The following NHSL1 variants were observed in gnomAD, a reference collection of about 807,000 sequenced individuals.
NHSL1 encodes the protein NHS like 1.
In NHSL1, 48 loss-of-function variants were observed where a neutral mutation model predicts 95.0. That is an observed-to-expected ratio of 0.51 (90% CI 0.40 to 0.64). The LOEUF (loss-of-function observed/expected upper bound fraction) is 0.64. Among genes scored for constraint, NHSL1 ranks in the 30% least tolerant of loss-of-function variants. The pLI is 0.00. For synonymous variants in NHSL1, 783 were observed against 833.9 expected, an observed-to-expected ratio of 0.94 and a Z score of 1.05; for missense variants, 1,971 against 2,077.7, an observed-to-expected ratio of 0.95 and a Z score of 1.00.
chr6:138,508,850 G>C (rs1443640085), intron 1 of NHSL1, among the ~76,000 whole-genome samples: 2 of 151,148 alleles, frequency 1.3e-5, no homozygotes, highest in Non-Finnish European at 2.9e-5. Flanking sequence ...CTTTCTTGCA[G>C]AAAAAAAATA....
chr6:138,500,555 G>T (rs1212561986), upstream of NHSL1, among the ~76,000 whole-genome samples: 1 of 152,166 alleles, frequency 6.6e-6, no homozygotes, highest in Non-Finnish European at 1.5e-5. Context: ...ATAGCTTTGG[G>T]CCAGACTTAT....
At chr6:138,489,761 C>CAAA (rs771589265) in intron 2 of NHSL1, among the ~76,000 whole-genome samples, 17 of 49,838 alleles carry the variant, frequency 3.4e-4, no homozygotes, top group Non-Finnish European at 5.0e-4. Context: ...GACCCTGTCT[C>CAAA]AAAAAAAAAA....
Position 138,432,956 on chromosome 6 carries a change from A to T in NHSL1, c.1389T>A (p.Asp463Glu). 6.4e-7 allele frequency: 1 copy of T among 1,551,296 alleles called. No individual in the cohort carries two copies. The highest frequency in any genetic ancestry group is 8.7e-7 in the Non-Finnish European group (1 of 1,146,728). Residue 463 changes from aspartate to glutamate, a missense_variant, in exon 6 of 8, where the codon GAT becomes GAA. Asp to Glu is a conservative substitution (Grantham distance 45). Transcript: ENST00000343505. The surrounding 1 kb of genome is among the most constrained non-coding windows in gnomAD (Gnocchi z 4.4). ...HLISRHAVKG[D>E]PQSPGRHWNE... ...TCCAGTGGCGACCGGGAGACTGAGG[A>T]TCACCTTTCACAGCATGCCTGGAGA... is the stretch of plus-strand genomic sequence containing the variant.
chr6:138,568,793 CAAAAGA>C (rs568581232), intron 1 of NHSL1, among the ~76,000 whole-genome samples: 4 of 152,164 alleles, frequency 2.6e-5, no homozygotes, highest in Middle Eastern at 3.4e-3. Context: ...AAAAGATTCT[CAAAAGA>C]AAAAGAAAAT....
At chr6:138,543,381 A>G (rs1782658856) in intron 1 of NHSL1, among the ~76,000 whole-genome samples, 1 of 152,240 alleles carries the variant, frequency 6.6e-6, no homozygotes, top group South Asian at 2.1e-4. Context: ...AGTGACAATA[A>G]TGAGAAAGAT....
chr6:138,674,084 A>T (rs1253363522), intron 1 of NHSL1, among the ~76,000 whole-genome samples: 1 of 152,274 alleles, frequency 6.6e-6, no homozygotes, highest in Non-Finnish European at 1.5e-5. Context: ...AAGCAAGGAT[A>T]AAACTACATA....
At chr6:138,519,337 A>T (rs966159689) in intron 1 of NHSL1, among the ~76,000 whole-genome samples, 3 of 152,362 alleles carry the variant, frequency 2.0e-5, no homozygotes. Context: ...ACCTTAAAAA[A>T]ATGTGTTATC....
chr6:138,689,987 G>A (rs944015382), intron 1 of NHSL1, among the ~76,000 whole-genome samples: 3 of 152,164 alleles, frequency 2.0e-5, no homozygotes, highest in East Asian at 1.9e-4. Flanking sequence ...GCAGTGGGAC[G>A]ACAGGCGAGA....
rs1387733580 is a variant in NHSL1, at chr6:138,496,243, G to A, written c.187C>T (p.Leu63Phe). ...CVEDLHRQAK[L>F]NLKSVLRECD... is the part of the protein sequence containing the mutation. The stretch of plus-strand genomic sequence containing the variant: ...CCCCTCAGTACTGATTTGAGGTTGA[G>A]CTTGGCTTGGCGGTGCAGGTCCTCA... The change falls in exon 2 of 8, where the codon CTC becomes TTC. Residue 63 changes from leucine (L) to phenylalanine (F), a missense_variant. Coordinates refer to ENST00000343505, the MANE Select transcript of NHSL1 (RefSeq NM_001144060.2). The A allele has an allele frequency of 1.3e-6, 2 of 1,550,924 alleles. No individual in the cohort carries two copies. Among genetic ancestry groups the A allele is most frequent in the Non-Finnish European group, 1.7e-6 (2 of 1,146,798 alleles).
chr6:138,432,970 C>T lies in NHSL1; in HGVS notation c.1375G>A (p.Ala459Thr), dbSNP rs761055218. Residue 459 changes from alanine (A) to threonine (T), a missense_variant, in exon 6 of 8, where the codon GCT becomes ACT. Physicochemically the swap from Ala to Thr is moderately conservative, Grantham distance 58 (BLOSUM62 0). This residue lies in a region of NHSL1 where 1,602 missense variants were observed against 1,654.5 expected (regional missense o/e 0.97). Coordinates refer to ENST00000343505, the MANE Select transcript of NHSL1 (RefSeq NM_001144060.2). The surrounding 1 kb of genome is among the most constrained non-coding windows in gnomAD (Gnocchi z 4.4). ...GGAGACTGAGGATCACCTTTCACAG[C>T]ATGCCTGGAGATGAGGTGGTCTCTG... ...KSRDHLISRH[A>T]VKGDPQSPGR... 3 of 1,551,470 alleles carry T rather than the reference C, an allele frequency of 1.9e-6. No individual in the cohort carries two copies. In the South Asian group the frequency reaches 3.6e-5, roughly 18 times the overall value.
chr6:138,470,894 G>A (rs1778707668), intron 3 of NHSL1, among the ~76,000 whole-genome samples: 2 of 152,160 alleles, frequency 1.3e-5, no homozygotes, highest in South Asian at 4.1e-4. Flanking sequence ...TGATGCCAGT[G>A]CCAGCAAATC....
intron 1 of NHSL1, among the ~76,000 whole-genome samples, chr6:138,510,134 G>A (rs1781151433): frequency 6.6e-6 from 1 of 152,202 alleles, no homozygotes; most frequent in Non-Finnish European, 1.5e-5. Flanking sequence ...TAATTATTTA[G>A]TAAGCCATGA....
intron 1 of NHSL1, among the ~76,000 whole-genome samples, chr6:138,675,679 C>T (rs983185199): frequency 2.0e-5 from 3 of 152,062 alleles, no homozygotes; most frequent in South Asian, 2.1e-4. Context: ...GGATTACAGG[C>T]GCATGTCCCC....
Position 138,589,440 on chromosome 6 carries a change from A to G in NHSL1, c.97-93069T>C, listed in dbSNP as rs529541444. On this transcript the variant is annotated intron_variant, in intron 1 of 3. Transcript: ENST00000491526. ...AAGCGGGGGCCTGGCTGGCTTGTGC[A>G]CTACGGCACTGCCATAACCTGCCCA... 1.7e-3 allele frequency among the ~76,000 whole-genome samples: 257 copies of G among 152,278 alleles called. 1 individual carries two copies. Among genetic ancestry groups the G allele is most frequent in the African/African-American group, 5.9e-3 (247 of 41,556 alleles).
At chr6:138,429,207 C>CCGTAA (rs1554219261) in intron 7 of NHSL1, among the ~76,000 whole-genome samples, 2 of 152,152 alleles carry the variant, frequency 1.3e-5, no homozygotes, top group African/African-American at 4.8e-5. Context: ...GCTTAAAGGG[C>CCGTAA]CGTACTCTTT....
intron 1 of NHSL1, chr6:138,512,335 T>C: frequency 2.2e-6 from 1 of 455,406 alleles, no homozygotes; most frequent in Non-Finnish European, 4.4e-6. Flanking sequence ...ATATATTACA[T>C]TCATTATCAA....
chr6:138,684,267 T>A (rs544288855), intron 1 of NHSL1, among the ~76,000 whole-genome samples: 162 of 151,898 alleles, frequency 1.1e-3, no homozygotes, highest in African/African-American at 3.7e-3. Context: ...AGCAGAATTA[T>A]GCTACTGCCT....
upstream of NHSL1, among the ~76,000 whole-genome samples, chr6:138,500,092 A>C (rs988586964): frequency 4.5e-4 from 68 of 152,034 alleles, no homozygotes; most frequent in African/African-American, 1.6e-3. Flanking sequence ...GAAAAAAAAA[A>C]ATCCACCAAA....
rs116480272 is a variant in NHSL1, at chr6:138,595,970, C to G, written c.96+96506G>C. ...TTTCTGGGTCTCTTCCTCTCCAACA[C>G]TGCCCTTCTTCCCAACCCCAAGAGA... On this transcript the variant is annotated intron_variant, in intron 1 of 3. Coordinates refer to the NHSL1 transcript ENST00000491526. Among the ~76,000 whole-genome samples the G allele has an allele frequency of 4.5e-3, 685 of 152,310 alleles. 6 individuals carry two copies. The highest frequency in any genetic ancestry group is 0.015 in the African/African-American group (607 of 41,566).
Sources: allele counts gnomAD v4.1 joint callset (sites outside exome capture counted in the v4.1 genomes callset), GRCh38; gene constraint gnomAD v4.1.1; regional missense constraint gnomAD v4.1.1; non-coding constraint Gnocchi (gnomAD v3.1); transcripts MANE v1.5; gene names NCBI Gene and HGNC (gene_info 2026-07-23, HGNC 2026-07-21).